LRRC8D: variants seen among roughly 807,000 people sequenced by gnomAD.
LRRC8D encodes the protein leucine rich repeat containing 8 VRAC subunit D.
A neutral mutation model predicts 55.8 loss-of-function variants in LRRC8D; 20 were observed. The ratio of observed to expected loss-of-function variants is 0.36; its 90% CI spans 0.25 to 0.52. LRRC8D has a LOEUF of 0.52. Among genes scored for constraint, LRRC8D ranks in the 20% least tolerant of loss-of-function variants. LRRC8D has a pLI of 0.93. For synonymous variants in LRRC8D, 352 were observed against 377.0 expected (o/e 0.93, Z 0.77); for missense variants, 651 against 1,030.8 (o/e 0.63, Z 5.05).
At chr1:89,823,617 A>G (rs1289321284) in intron 1 of LRRC8D, among the ~76,000 whole-genome samples, 1 of 152,220 alleles carries the variant, frequency 6.6e-6, no homozygotes, top group African/African-American at 2.4e-5. Context: ...GTTATTTTTA[A>G]TTGGAGCTGG....
chr1:89,875,262 G>A (rs1662118783), intron 2 of LRRC8D, among the ~76,000 whole-genome samples: 1 of 152,042 alleles, frequency 6.6e-6, no homozygotes, highest in Non-Finnish European at 1.5e-5. Context: ...ATATGCATGG[G>A]ATTGAAAGTT....
chr1:89,844,996 AAAG>A (rs1171187029), intron 2 of LRRC8D, among the ~76,000 whole-genome samples: 1 of 152,214 alleles, frequency 6.6e-6, no homozygotes, highest in African/African-American at 2.4e-5. Flanking sequence ...AGACTCTGCC[AAAG>A]AAGATCTCTC....
intron 2 of LRRC8D, among the ~76,000 whole-genome samples, chr1:89,874,958 T>C (rs1268544180): frequency 6.6e-6 from 1 of 152,184 alleles, no homozygotes; most frequent in East Asian, 1.9e-4. Context: ...GTTCCTATAA[T>C]GGGAATTTGA....
At chr1:89,873,960 A>T (rs1246469841) in intron 2 of LRRC8D, among the ~76,000 whole-genome samples, 1 of 152,212 alleles carries the variant, frequency 6.6e-6, no homozygotes, top group African/African-American at 2.4e-5. Context: ...GCTTGTTCAT[A>T]GATCTAAGCC....
At chr1:89,878,879 A>C (rs1237805099) in intron 2 of LRRC8D, among the ~76,000 whole-genome samples, 1 of 151,850 alleles carries the variant, frequency 6.6e-6, no homozygotes. Flanking sequence ...AGGCAGGAGA[A>C]TCACTTGAAC....
chr1:89,887,696 G>C (rs1345368680), intron 2 of LRRC8D, among the ~76,000 whole-genome samples: 4 of 152,084 alleles, frequency 2.6e-5, no homozygotes, highest in Non-Finnish European at 5.9e-5. Context: ...CTGTTAAGGT[G>C]TTTTCATTGC....
chr1:89,914,686 C>G (rs1206679329), intron 2 of LRRC8D, among the ~76,000 whole-genome samples: 1 of 149,538 alleles, frequency 6.7e-6, no homozygotes, highest in Non-Finnish European at 1.5e-5. Context: ...TGTTGCTGGT[C>G]TCAGTTATCA....
At chr1:89,851,025 A>G (rs1661403398) in intron 2 of LRRC8D, among the ~76,000 whole-genome samples, 1 of 151,560 alleles carries the variant, frequency 6.6e-6, no homozygotes, top group African/African-American at 2.4e-5. Flanking sequence ...ACTTGGTAAC[A>G]TAATTTTAAT....
At chr1:89,827,127 G>A (rs1448453539) in intron 1 of LRRC8D, among the ~76,000 whole-genome samples, 8 of 152,076 alleles carry the variant, frequency 5.3e-5, no homozygotes, top group Non-Finnish European at 1.0e-4. Flanking sequence ...GAGGTGGGCA[G>A]ATCACCTAAG....
intron 2 of LRRC8D, among the ~76,000 whole-genome samples, chr1:89,887,644 TG>T (rs1662456069): frequency 6.6e-6 from 1 of 152,220 alleles, no homozygotes; most frequent in Non-Finnish European, 1.5e-5. Context: ...TTAACTTCCC[TG>T]GTAATCTAAC....
intron 2 of LRRC8D, among the ~76,000 whole-genome samples, chr1:89,873,329 A>G (rs1662068394): frequency 6.6e-6 from 1 of 152,232 alleles, no homozygotes; most frequent in African/African-American, 2.4e-5. Flanking sequence ...AATATTTCTA[A>G]ATGTATAATT....
intron 2 of LRRC8D, among the ~76,000 whole-genome samples, chr1:89,914,924 G>A (rs1238045352): frequency 6.6e-6 from 1 of 151,872 alleles, no homozygotes; most frequent in Non-Finnish European, 1.5e-5. Context: ...TGGTGGTAGT[G>A]GTCCATGCTC....
rs17130932 is a variant in LRRC8D, at chr1:89,933,287, C to T, written c.219C>T (p.Ala73=). The part of the protein sequence containing the change: ...NSKAHTPPGN[A]EVTTNIPKME... ...AGGCACATACACCACCAGGAAATGC[C>T]GAGGTCACCACCAACATCCCAAAGA... Residue 73 remains alanine (A), a synonymous_variant, in exon 3 of 3, where the codon GCC becomes GCT. Coordinates refer to ENST00000337338, the MANE Select transcript of LRRC8D (RefSeq NM_001134479.2). This position sits in a 1 kb window ranked among gnomAD's most constrained non-coding sequence, Gnocchi z 7.0. 1,321 of 1,614,088 alleles carry T rather than the reference C, an allele frequency of 8.2e-4. 15 individuals are homozygous for T. The African/African-American group carries it at 0.015, about 19-fold the overall frequency.
In LRRC8D at chr1:89,934,472, C is replaced by T; in HGVS notation, c.1404C>T (p.Ala468=). Reference sequence around the variant, plus strand: ...TCAGGCAGCACATTTCACGCAACGCCCAGGACAAGCAGGAGTTGCATCTGT... The same window carrying T: ...TCAGGCAGCACATTTCACGCAACGCTCAGGACAAGCAGGAGTTGCATCTGT... ...EKLRQHISRN[A]QDKQELHLFM... The change falls in exon 3 of 3, where the codon GCC becomes GCT. Residue 468 remains alanine, a synonymous_variant. Transcript: ENST00000337338. This position sits in a 1 kb window ranked among gnomAD's most constrained non-coding sequence, Gnocchi z 5.9. The T allele has an allele frequency of 6.2e-7, 1 of 1,614,074 alleles. No individual in the cohort carries two copies.
chr1:89,825,590 C>T (rs1244008006), intron 1 of LRRC8D, among the ~76,000 whole-genome samples: 1 of 152,152 alleles, frequency 6.6e-6, no homozygotes, highest in East Asian at 1.9e-4. Context: ...TAATATGCCT[C>T]AAATATTTAG....
chr1:89,863,625 T>G (rs905267246), intron 2 of LRRC8D, among the ~76,000 whole-genome samples: 2 of 151,788 alleles, frequency 1.3e-5, no homozygotes, highest in Non-Finnish European at 2.9e-5. Flanking sequence ...AGACATGAAT[T>G]TCCTTTCATG....
intron 1 of LRRC8D, among the ~76,000 whole-genome samples, chr1:89,837,431 TTC>T (rs1661026710): frequency 6.6e-6 from 1 of 152,224 alleles, no homozygotes; most frequent in Non-Finnish European, 1.5e-5. Flanking sequence ...CTCATGAACT[TTC>T]ACACAAGGGA....
chr1:89,874,689 A>G (rs756006821), intron 2 of LRRC8D, among the ~76,000 whole-genome samples: 51 of 152,184 alleles, frequency 3.4e-4, no homozygotes, highest in Non-Finnish European at 7.2e-4. Context: ...GCAATGATGA[A>G]GTATTGCAAT....
rs531300898 is a variant in LRRC8D at position 89,906,551 on chromosome 1, T to C, written c.-2-26516T>C. Among the ~76,000 whole-genome samples the C allele has an allele frequency of 1.8e-4, 27 of 152,358 alleles. 1 individual carries two copies. In the South Asian group the frequency reaches 5.4e-3, roughly 30 times the overall value. The stretch of plus-strand genomic sequence containing the variant: ...TGTGGAATTTAAAGTAGACTGTGAC[T>C]GGCCAGGTTGCTGCTTGCTCACAAT... On this transcript the variant is annotated intron_variant, in intron 2 of 2. Coordinates refer to ENST00000337338, the MANE Select transcript of LRRC8D (RefSeq NM_001134479.2).
Sources: allele counts gnomAD v4.1 joint callset (sites outside exome capture counted in the v4.1 genomes callset), GRCh38; gene constraint gnomAD v4.1.1; non-coding constraint Gnocchi (gnomAD v3.1); transcripts MANE v1.5; gene names NCBI Gene and HGNC (gene_info 2026-07-23, HGNC 2026-07-21).